MSX2: variants seen among roughly 807,000 people sequenced by gnomAD.
MSX2 encodes the protein homeobox protein MSX-2.
Under a neutral mutation model 18.4 loss-of-function variants are expected in MSX2, and 10 were observed. The observed-to-expected ratio is 0.54, with a 90% CI of 0.34 to 0.92. The LOEUF is 0.92. Ranked by LOEUF, MSX2 falls within the 40% of genes least tolerant of loss-of-function variation. The pLI is 0.02. For missense variants in MSX2, 339 were observed against 364.0 expected (o/e 0.93, Z 0.56); for synonymous variants, 170 against 165.6 (o/e 1.03, Z -0.20).
Position 174,729,376 on chromosome 5 carries a change from A to G in MSX2, c.597A>G (p.Arg199=). ...WFQNRRAKAK[R]LQEAELEKLK... is the part of the protein sequence containing the mutation. The stretch of plus-strand genomic sequence containing the variant: ...AGAACCGAAGGGCCAAGGCGAAAAG[A>G]CTGCAGGAGGCAGAACTGGAAAAGC... Residue 199 remains arginine, a synonymous_variant, in exon 2 of 2, where the codon AGA becomes AGG. Transcript: ENST00000239243. The G allele has an allele frequency of 1.2e-6, 2 of 1,614,214 alleles. No homozygotes were observed. Among genetic ancestry groups the G allele is most frequent in the Non-Finnish European group, 1.7e-6 (2 of 1,180,046 alleles).
intron 1 of MSX2, 61 bp from the exon 2 acceptor site, chr5:174,729,098 T>C: frequency 1.9e-6 from 3 of 1,551,578 alleles, no homozygotes; most frequent in Non-Finnish European, 2.6e-6. Context: ...AGATGGGTTT[T>C]TTTTAGTATT....
chr5:174,730,663 TGGG>T lies in MSX2; in HGVS notation c.*1084_*1086del, dbSNP rs145784193. 1 of 152,512 alleles carries T rather than the reference TGGG, an allele frequency of 6.6e-6. No individual in the cohort carries two copies. Among genetic ancestry groups the T allele is most frequent in the African/African-American group, 2.4e-5 (1 of 41,422 alleles). The allele number at this position is 152,512 out of a possible 1,614,324, so 9.4% of individuals were successfully genotyped here. On this transcript the variant is annotated 3_prime_UTR_variant, in exon 2 of 2. Coordinates refer to ENST00000239243, the MANE Select transcript of MSX2 (RefSeq NM_002449.5). ...AAATTTTATATACTTTTTTACATGTTGGGGGGCAGAAGGTAAAGCCATGTTTTG... is the reference window on the plus strand; with the variant it reads ...AAATTTTATATACTTTTTTACATGTTGGGCAGAAGGTAAAGCCATGTTTTG...
rs1204854023 is a variant in MSX2 at position 174,724,593 on chromosome 5, G to A, written c.-67G>A. On this transcript the variant is annotated 5_prime_UTR_variant, in exon 1 of 2. Coordinates refer to ENST00000239243, the MANE Select transcript of MSX2 (RefSeq NM_002449.5). ...CCCCTCCCGTCTCCGCAGCAAAAAA[G>A]TTTGAGTCGCCGCTGCCGGGTTGCC... 5.2e-6 allele frequency: 8 copies of A among 1,543,652 alleles called. No homozygotes were observed. Among genetic ancestry groups the A allele is most frequent in the Non-Finnish European group, 7.0e-6 (8 of 1,143,510 alleles).
At chr5:174,726,303 C>T (rs140887736) in intron 1 of MSX2, among the ~76,000 whole-genome samples, 53 of 152,210 alleles carry the variant, frequency 3.5e-4, no homozygotes, top group Non-Finnish European at 6.3e-4. Context: ...TCATTCAGCC[C>T]TCAAGACTAG....
rs1347090225 is a variant in MSX2 at position 174,730,130 on chromosome 5, A to G, written c.*547A>G. 1 of 152,192 alleles carries G rather than the reference A, an allele frequency of 6.6e-6. No homozygotes were observed. The highest frequency in any genetic ancestry group is 1.5e-5 in the Non-Finnish European group (1 of 68,068). 9.4% of individuals were successfully genotyped at this position (152,192 alleles called of 1,614,324 possible). A position where few individuals can be genotyped will look rare whatever the true frequency, so the allele number is the denominator to read the frequency against. On this transcript the variant is annotated 3_prime_UTR_variant, in exon 2 of 2. Coordinates refer to ENST00000239243, the MANE Select transcript of MSX2 (RefSeq NM_002449.5). ...AATATTAGATATGGAGAGATTATTCAAAGTGAAGGGGACACATCATATTTC... is the reference window on the plus strand; with the variant it reads ...AATATTAGATATGGAGAGATTATTCGAAGTGAAGGGGACACATCATATTTC...
intron 1 of MSX2, among the ~76,000 whole-genome samples, chr5:174,725,844 G>A (rs574614925): frequency 6.6e-6 from 1 of 152,328 alleles, no homozygotes; most frequent in South Asian, 2.1e-4. Flanking sequence ...GAACCCCCAA[G>A]TGTAGACACT....
chr5:174,728,815 A>T (rs961028027), intron 1 of MSX2, among the ~76,000 whole-genome samples: 8 of 152,118 alleles, frequency 5.3e-5, no homozygotes, highest in African/African-American at 1.9e-4. Context: ...ACACCATTAC[A>T]TTTCCAAAAC....
In MSX2 at chr5:174,730,809, T is replaced by C. The variant is rs977667563; in HGVS notation, c.*1226T>C. The stretch of plus-strand genomic sequence containing the variant: ...TCCCTTTGAAAGGGTGCTTGTACAA[T>C]TTGATATATTTTATTGAAGAGTTAT... On this transcript the variant is annotated 3_prime_UTR_variant, in exon 2 of 2. Transcript: ENST00000239243. 2.0e-5 allele frequency: 3 copies of C among 152,582 alleles called. No homozygotes were observed. The highest frequency in any genetic ancestry group is 7.2e-5 in the African/African-American group (3 of 41,452). The allele number at this position is 152,582 out of a possible 1,614,324, so 9.5% of individuals were successfully genotyped here. A position where few individuals can be genotyped will look rare whatever the true frequency, so the allele number is the denominator to read the frequency against.
intron 1 of MSX2, among the ~76,000 whole-genome samples, chr5:174,727,620 C>T (rs551617332): frequency 6.6e-5 from 10 of 152,130 alleles, no homozygotes; most frequent in African/African-American, 2.2e-4. Context: ...GCTGGCTCCC[C>T]GGCTGTCTAG....
At chr5:174,726,568 C>T (rs535470506) in intron 1 of MSX2, among the ~76,000 whole-genome samples, 206 of 124,234 alleles carry the variant, frequency 1.7e-3, no homozygotes, top group African/African-American at 6.0e-3. Flanking sequence ...AGAGAGGAAT[C>T]GGCAGTTTGG....
At position 174,729,649 on chromosome 5, in the gene MSX2, G is replaced by A. The variant is rs1182325178; in HGVS notation, c.*66G>A. ...CAAAGGGTTTCCTCTCCCTCTCCAC[G>A]AAGGCAGTACCAGCCAGTACTCCTG... On this transcript the variant is annotated 3_prime_UTR_variant, in exon 2 of 2. Coordinates refer to ENST00000239243, the MANE Select transcript of MSX2 (RefSeq NM_002449.5). The A allele has an allele frequency of 3.2e-6, 5 of 1,538,702 alleles. No individual in the cohort carries two copies. Among genetic ancestry groups the A allele is most frequent in the East Asian group, 2.2e-5 (1 of 44,536 alleles).
At position 174,724,905 on chromosome 5, in the gene MSX2, G is replaced by A; in HGVS notation, c.246G>A (p.Ser82=). 3 of 1,572,456 alleles carry A rather than the reference G, an allele frequency of 1.9e-6. No homozygotes were observed. Among genetic ancestry groups the A allele is most frequent in the Non-Finnish European group, 2.6e-6 (3 of 1,160,452 alleles). ...AGATLRPLLL[S]GHGAREAHSP... ...CCACCCTGCGGCCACTGCTGCTGTC[G>A]GGGCACGGCGCTCGGGAAGCGCACA... Residue 82 remains serine, a synonymous_variant, in exon 1 of 2, where the codon TCG becomes TCA. Coordinates refer to ENST00000239243, the MANE Select transcript of MSX2 (RefSeq NM_002449.5).
rs1437844854 is a variant in MSX2 at position 174,729,780 on chromosome 5, G to C, written c.*197G>C. ...GGAGGCACCAAGCCCTGTTTTCTTG[G>C]TGTAATCTTCCAGATGCCCCCTTTT... On this transcript the variant is annotated 3_prime_UTR_variant, in exon 2 of 2. Transcript: ENST00000239243. 1 of 535,028 alleles carries C rather than the reference G, an allele frequency of 1.9e-6. No individual in the cohort carries two copies. The highest frequency in any genetic ancestry group is 2.9e-5 in the East Asian group (1 of 34,176). 33.1% of individuals were successfully genotyped at this position (535,028 alleles called of 1,614,324 possible). A position where few individuals can be genotyped will look rare whatever the true frequency, so the allele number is the denominator to read the frequency against.
rs756340517 is a variant in MSX2, at chr5:174,724,631, C to T, written c.-29C>T. On this transcript the variant is annotated 5_prime_UTR_variant, in exon 1 of 2. Transcript: ENST00000239243. Reference sequence around the variant, plus strand: ...CTGCCGGGTTGCCAGCGGAGTCGCGCGTCGGGAGCTACGTAGGGCAGAGAA... The same window carrying T: ...CTGCCGGGTTGCCAGCGGAGTCGCGTGTCGGGAGCTACGTAGGGCAGAGAA... 5 of 1,570,100 alleles carry T rather than the reference C, an allele frequency of 3.2e-6. No individual in the cohort carries two copies. The highest frequency in any genetic ancestry group is 1.4e-5 in the African/African-American group (1 of 73,986).
chr5:174,727,096 T>C (rs10076235), intron 1 of MSX2, among the ~76,000 whole-genome samples: 10,437 of 151,220 alleles, frequency 0.069, 400 homozygotes, highest in African/African-American at 0.1. Context: ...TGAAGAATTG[T>C]TGGTGCTTTG....
chr5:174,728,657 GGTCT>G (rs2113497566), intron 1 of MSX2, among the ~76,000 whole-genome samples: 1 of 152,244 alleles, frequency 6.6e-6, no homozygotes, highest in South Asian at 2.1e-4. Context: ...TCATGAACCT[GGTCT>G]CCCATTTTTA....
At chr5:174,728,427 T>TA (rs11413228) in intron 1 of MSX2, among the ~76,000 whole-genome samples, 1 of 152,244 alleles carries the variant, frequency 6.6e-6, no homozygotes, top group East Asian at 1.9e-4. Context: ...CAATGACAGC[T>TA]TGTGACTGTT....
In MSX2 at chr5:174,729,214, G is replaced by A. The variant is rs189666650; in HGVS notation, c.435G>A (p.Pro145=). 5.6e-5 allele frequency: 90 copies of A among 1,614,064 alleles called. No homozygotes were observed. The East Asian group carries it at 1.0e-3, about 19-fold the overall frequency. Reference sequence around the variant, plus strand: ...GGAAACACAAGACCAATCGGAAGCCGCGCACGCCCTTTACCACATCCCAGC... The same window carrying A: ...GGAAACACAAGACCAATCGGAAGCCACGCACGCCCTTTACCACATCCCAGC... ...TLRKHKTNRK[P]RTPFTTSQLL... The change falls in exon 2 of 2, where the codon CCG becomes CCA. Residue 145 remains proline (P), a synonymous_variant. Coordinates refer to ENST00000239243, the MANE Select transcript of MSX2 (RefSeq NM_002449.5).
Position 174,724,647 on chromosome 5 carries a change from G to C in MSX2, c.-13G>C. 1 of 1,582,536 alleles carries C rather than the reference G, an allele frequency of 6.3e-7. No individual in the cohort carries two copies. Among genetic ancestry groups the C allele is most frequent in the Non-Finnish European group, 8.6e-7 (1 of 1,165,440 alleles). ...GGAGTCGCGCGTCGGGAGCTACGTA[G>C]GGCAGAGAAGTCATGGCTTCTCCGT... On this transcript the variant is annotated 5_prime_UTR_variant, in exon 1 of 2. Transcript: ENST00000239243.
Sources: allele counts gnomAD v4.1 joint callset (sites outside exome capture counted in the v4.1 genomes callset), GRCh38; gene constraint gnomAD v4.1.1; transcripts MANE v1.5; gene names NCBI Gene and HGNC (gene_info 2026-07-23, HGNC 2026-07-21).